Variants in JPH3 observed in about 807,000 individuals in gnomAD.
JPH3 encodes junctophilin-3.
In JPH3, 11 loss-of-function variants were observed where a neutral mutation model predicts 59.6. The ratio of observed to expected loss-of-function variants is 0.18; its 90% confidence interval spans 0.12 to 0.31. The LOEUF (loss-of-function observed/expected upper bound fraction) is 0.31. JPH3 is among the 10% of genes least tolerant of loss of function. The probability of loss-of-function intolerance (pLI) is 1.00; values close to 1 mark genes in which losing one functional copy is unlikely to be tolerated. For synonymous variants in JPH3, 673 were observed against 483.6 expected (o/e 1.39, Z -5.14); for missense variants, 1,202 against 1,105.7 (o/e 1.09, Z -1.24).
chr16:87,641,492 A>T (rs538970356), intron 1 of JPH3, among the ~76,000 whole-genome samples: 22 of 152,238 alleles, frequency 1.4e-4, no homozygotes, highest in African/African-American at 4.3e-4. Flanking sequence ...TGAAAGTGGG[A>T]CGAGGCTGAA....
At chr16:87,608,962 C>T (rs370539726) in intron 1 of JPH3, among the ~76,000 whole-genome samples, 7 of 152,216 alleles carry the variant, frequency 4.6e-5, no homozygotes, top group East Asian at 1.9e-4. Context: ...GCTTGAGCCC[C>T]GGAGGTCAAG....
chr16:87,640,694 A>T (rs1431532954), intron 1 of JPH3, among the ~76,000 whole-genome samples: 1 of 152,170 alleles, frequency 6.6e-6, no homozygotes, highest in Non-Finnish European at 1.5e-5. Context: ...CACCCAGCCA[A>T]CAAACGCTTT....
chr16:87,618,324 G>A (rs1035104515), intron 1 of JPH3, among the ~76,000 whole-genome samples: 4 of 152,198 alleles, frequency 2.6e-5, no homozygotes, highest in African/African-American at 9.6e-5. Context: ...GAGGGAGGGA[G>A]GCCGGGCAGC....
chr16:87,657,784 G>C (rs1485274435), intron 2 of JPH3, among the ~76,000 whole-genome samples: 1 of 152,152 alleles, frequency 6.6e-6, no homozygotes, highest in African/African-American at 2.4e-5. Flanking sequence ...CCCGAGGACT[G>C]TGCTCACATT....
intron 2 of JPH3, among the ~76,000 whole-genome samples, chr16:87,667,678 G>A (rs541495186): frequency 1.6e-3 from 250 of 152,276 alleles, no homozygotes; most frequent in African/African-American, 5.8e-3. Flanking sequence ...AAGATGAAGG[G>A]GTTAGATCCT....
intron 1 of JPH3, among the ~76,000 whole-genome samples, chr16:87,642,581 G>A (rs1317725305): frequency 6.6e-6 from 1 of 152,256 alleles, no homozygotes; most frequent in South Asian, 2.1e-4. Flanking sequence ...GTGCCACCGT[G>A]AGTTGGAAGA....
chr16:87,630,179 C>G (rs145868673), intron 1 of JPH3, among the ~76,000 whole-genome samples: 8 of 152,136 alleles, frequency 5.3e-5, no homozygotes, highest in Non-Finnish European at 1.0e-4. Context: ...ACTGGCCTTC[C>G]GAATCCCTTC....
At chr16:87,661,758 G>GA (rs1186299249) in intron 2 of JPH3, among the ~76,000 whole-genome samples, 1 of 152,246 alleles carries the variant, frequency 6.6e-6, no homozygotes. Flanking sequence ...GGCGGGGAGA[G>GA]AATTCATGGG....
At chr16:87,660,371 G>C (rs56262524) in intron 2 of JPH3, among the ~76,000 whole-genome samples, 35,720 of 151,974 alleles carry the variant, frequency 0.24, 4,466 homozygotes, top group East Asian at 0.3. Context: ...TCCTGGGATT[G>C]AGTCCCAGCC....
At chr16:87,624,052 C>T (rs780641745) in intron 1 of JPH3, among the ~76,000 whole-genome samples, 1 of 152,202 alleles carries the variant, frequency 6.6e-6, no homozygotes, top group African/African-American at 2.4e-5. Flanking sequence ...CTGGGGCAGC[C>T]TCCAGAGGCC....
intron 1 of JPH3, among the ~76,000 whole-genome samples, chr16:87,641,000 C>T (rs556098582): frequency 2.6e-5 from 4 of 152,220 alleles, no homozygotes; most frequent in Non-Finnish European, 5.9e-5. Context: ...ACAACCCCAG[C>T]CTGGAAGGGC....
chr16:87,635,345 TGTCAGCTGACG>T, intron 1 of JPH3, among the ~76,000 whole-genome samples: 1 of 151,818 alleles, frequency 6.6e-6, no homozygotes, highest in Non-Finnish European at 1.5e-5. Flanking sequence ...TTGGGAAGAG[TGTCAGCTGACG>T]GGTGGGGCTT....
At chr16:87,668,177 C>T (rs979865404) in intron 2 of JPH3, among the ~76,000 whole-genome samples, 5 of 152,230 alleles carry the variant, frequency 3.3e-5, no homozygotes, top group African/African-American at 1.2e-4. Flanking sequence ...CCTCCAGCCG[C>T]TCCGGGTCCT....
At chr16:87,602,425 CGGGGGCGGGGGCGGGGGGCG>C (rs2030241432), upstream of JPH3, among the ~76,000 whole-genome samples, 4 of 6,122 alleles carry the variant, frequency 6.5e-4, no homozygotes, top group Non-Finnish European at 1.5e-3. Flanking sequence ...GGGGCGGGGG[CGGGGGCGGGGGCGGGGGGCG>C]GGGGGCGGGG....
In JPH3 at chr16:87,690,170, C is replaced by A; in HGVS notation, c.1810C>A (p.Gln604Lys). 1 of 1,599,602 alleles carries A rather than the reference C, an allele frequency of 6.3e-7. No homozygotes were observed. The highest frequency in any genetic ancestry group is 8.5e-7 in the Non-Finnish European group (1 of 1,173,492). Residue 604 changes from glutamine (Q) to lysine (K), a missense_variant, in exon 4 of 5, where the codon CAG becomes AAG. Physicochemically the swap from Gln to Lys is moderately conservative, Grantham distance 53. Coordinates refer to ENST00000284262, the MANE Select transcript of JPH3 (RefSeq NM_020655.4). ...CGGAGGCTCCAGGCTGCTGGAGCTG[C>A]AGGAGGAGAAGCTGAGCAACTACCG... ...SPGGSRLLELQEEKLSNYRME... is the reference protein window; with the variant it reads ...SPGGSRLLELKEEKLSNYRME...
intron 3 of JPH3, among the ~76,000 whole-genome samples, chr16:87,684,926 C>T (rs1004012927): frequency 5.3e-5 from 8 of 152,190 alleles, no homozygotes; most frequent in African/African-American, 7.2e-5. Flanking sequence ...CCTCCCATCT[C>T]CTACCTCATC....
intron 2 of JPH3, among the ~76,000 whole-genome samples, chr16:87,652,534 A>G (rs942826264): frequency 1.3e-5 from 2 of 152,174 alleles, no homozygotes; most frequent in African/African-American, 4.8e-5. Context: ...TGCCATCACG[A>G]CTCACTGCAA....
At chr16:87,695,825 C>T (rs2033816425) in intron 4 of JPH3, 2 of 456,070 alleles carry the variant, frequency 4.4e-6, no homozygotes, top group South Asian at 3.1e-5. Flanking sequence ...GAGACGTGTC[C>T]TACCTGGCCC....
intron 1 of JPH3, among the ~76,000 whole-genome samples, chr16:87,629,227 C>G (rs979506239): frequency 6.6e-6 from 1 of 152,194 alleles, no homozygotes; most frequent in Non-Finnish European, 1.5e-5. Context: ...GTCCTTCAGA[C>G]GCGGCAGCTG....
Sources: gnomAD v4.1 joint callset for allele counts (sites outside exome capture counted in the v4.1 genomes callset) on GRCh38, gnomAD v4.1.1 for gene constraint, MANE v1.5 for transcripts, NCBI Gene and HGNC (gene_info 2026-07-23, HGNC 2026-07-21) for gene names.